Variants in PCDHGA6 observed in about 807,000 individuals in gnomAD.
PCDHGA6 encodes the protein protocadherin gamma subfamily A, 6.
PCDHGA6 carries 41 observed loss-of-function variants against 60.6 expected under a neutral mutation model. The observed-to-expected ratio is 0.68, with a 90% CI of 0.53 to 0.88. The LOEUF is 0.88. PCDHGA6 is among the 40% of genes least tolerant of loss of function. PCDHGA6 has a pLI of 0.00. For synonymous variants in PCDHGA6, 594 were observed against 524.4 expected, an observed-to-expected ratio of 1.13 and a Z score of -1.81; for missense variants, 1,312 against 1,203.0, an observed-to-expected ratio of 1.09 and a Z score of -1.34.
Position 141,493,034 on chromosome 5 carries a change from G to A in PCDHGA6, c.2425-1773G>A, listed in dbSNP as rs75211372. 6.6e-6 allele frequency among the ~76,000 whole-genome samples: 1 copy of A among 152,230 alleles called. No homozygotes were observed. Among genetic ancestry groups the A allele is most frequent in the African/African-American group, 2.4e-5 (1 of 41,458 alleles). On this transcript the variant is annotated intron_variant, in intron 1 of 3. Transcript: ENST00000517434. This position sits in a 1 kb window ranked among gnomAD's most constrained non-coding sequence, Gnocchi z 4.3. ...GCCAGATGCCAGGGTGCCCTTATGTGTGAGGAAACTACAATAGTAAAAAAC... is the reference window on the plus strand; with the variant it reads ...GCCAGATGCCAGGGTGCCCTTATGTATGAGGAAACTACAATAGTAAAAAAC...
At chr5:141,389,117 G>A in intron 1 of PCDHGA6, 1 of 1,614,024 alleles carries the variant, frequency 6.2e-7, no homozygotes, top group Admixed American at 1.7e-5. Flanking sequence ...TAGACCGCGA[G>A]CAGAATCCAG....
At chr5:141,428,220 C>T (rs1228544858) in intron 1 of PCDHGA6, 1 of 1,178,786 alleles carries the variant, frequency 8.5e-7, no homozygotes. Flanking sequence ...ACCTAGTCTT[C>T]GCAGACAGCC....
chr5:141,403,517 G>A, intron 1 of PCDHGA6: 1 of 1,614,030 alleles, frequency 6.2e-7, no homozygotes, highest in Non-Finnish European at 8.5e-7. Context: ...AGACAATGGA[G>A]CCATAAACCC....
At chr5:141,430,781 C>T (rs559701152) in intron 1 of PCDHGA6, 6 of 1,510,922 alleles carry the variant, frequency 4.0e-6, no homozygotes, top group South Asian at 2.7e-5. Context: ...GCGACTGCAC[C>T]GGGACTACAA....
chr5:141,417,230 T>C (rs2096097492), intron 1 of PCDHGA6: 1 of 152,210 alleles, frequency 6.6e-6, no homozygotes, highest in Non-Finnish European at 1.5e-5. Context: ...AAAAAATTTG[T>C]TGCTTATCTT....
At chr5:141,448,021 G>A (rs1376525971) in intron 1 of PCDHGA6, among the ~76,000 whole-genome samples, 2 of 152,050 alleles carry the variant, frequency 1.3e-5, no homozygotes, top group African/African-American at 4.8e-5. Context: ...AGGAGGTGGA[G>A]GTTGCAGTGA....
intron 1 of PCDHGA6, chr5:141,390,040 C>T (rs2092027580): frequency 6.2e-7 from 1 of 1,614,072 alleles, no homozygotes; most frequent in Non-Finnish European, 8.5e-7. Context: ...TCCTCCAGCC[C>T]CGCCTCCTGG....
intron 1 of PCDHGA6, chr5:141,385,190 G>C (rs899564761): frequency 3.7e-6 from 6 of 1,614,166 alleles, no homozygotes; most frequent in Non-Finnish European, 5.1e-6. Context: ...GCGGACTCTC[G>C]GAAGAGTCAC....
chr5:141,386,228 G>A (rs2090502520), intron 1 of PCDHGA6, among the ~76,000 whole-genome samples: 1 of 152,100 alleles, frequency 6.6e-6, no homozygotes, highest in Non-Finnish European at 1.5e-5. Context: ...TAGGTCTACT[G>A]AAAAATTCAG....
chr5:141,383,546 A>G (rs747474981), intron 1 of PCDHGA6: 1 of 1,612,542 alleles, frequency 6.2e-7, no homozygotes, highest in Non-Finnish European at 8.5e-7. Flanking sequence ...ACAGCCTCTG[A>G]TGGCGGCGAC....
At chr5:141,425,413 T>G (rs2096873899) in intron 1 of PCDHGA6, among the ~76,000 whole-genome samples, 1 of 152,202 alleles carries the variant, frequency 6.6e-6, no homozygotes, top group African/African-American at 2.4e-5. Context: ...AGGTATAACA[T>G]ATAGTCCCAT....
intron 1 of PCDHGA6, chr5:141,393,452 GGCCTCGGATGGCGGCAAGCC>G: frequency 6.2e-7 from 1 of 1,614,030 alleles, no homozygotes; most frequent in Admixed American, 1.7e-5. Context: ...TGGTCCTCAC[GGCCTCGGATGGCGGCAAGCC>G]GCCTCGCTCT....
At position 141,419,527 on chromosome 5, in the gene PCDHGA6, C is replaced by G. The variant is rs755936657; in HGVS notation, c.2424+43020C>G. ...TGCGCGTGTTGGTGGGCGACCGTAA[C>G]GACAACGCACCGCGGGTGCTGTACC... is the stretch of plus-strand genomic sequence containing the variant. On this transcript the variant is annotated intron_variant, in intron 1 of 3. Transcript: ENST00000517434. The G allele has an allele frequency of 6.8e-5, 110 of 1,612,064 alleles. 2 individuals carry two copies. In the South Asian group the frequency reaches 9.6e-4, roughly 14 times the overall value.
chr5:141,473,362 C>A (rs2099320242), intron 1 of PCDHGA6, among the ~76,000 whole-genome samples: 1 of 152,166 alleles, frequency 6.6e-6, no homozygotes, highest in Admixed American at 6.5e-5. Context: ...AAGTGGCCAC[C>A]AAAATAGCAT....
rs1201654822 is a variant in PCDHGA6, at chr5:141,476,876, C to T, written c.2425-17931C>T. ...CCAGTCCTTGTACCGGGCGCGCGTC[C>T]TGGAGGATGCACCCTCCGGCACGCG... On this transcript the variant is annotated intron_variant, in intron 1 of 3. Transcript: ENST00000517434. The surrounding 1 kb of genome is among the most constrained non-coding windows in gnomAD (Gnocchi z 7.6). 6.2e-7 allele frequency: 1 copy of T among 1,613,876 alleles called. No homozygotes were observed. The highest frequency in any genetic ancestry group is 1.7e-5 in the Admixed American group (1 of 60,018).
chr5:141,446,778 T>C (rs2098515519), intron 1 of PCDHGA6, among the ~76,000 whole-genome samples: 1 of 152,116 alleles, frequency 6.6e-6, no homozygotes, highest in South Asian at 2.1e-4. Flanking sequence ...GTTACCATTC[T>C]TTTACTCTGA....
At position 141,416,083 on chromosome 5, in the gene PCDHGA6, A is replaced by T. The variant is rs183563665; in HGVS notation, c.2424+39576A>T. The T allele has an allele frequency of 1.6e-4, 27 of 167,232 alleles. 1 individual carries two copies. The East Asian group carries it at 3.9e-3, about 24-fold the overall frequency. The allele number at this position is 167,232 out of a possible 1,614,324, so 10.4% of individuals were successfully genotyped here. A position where few individuals can be genotyped will look rare whatever the true frequency, so the allele number is the denominator to read the frequency against. On this transcript the variant is annotated intron_variant, in intron 1 of 3. Transcript: ENST00000517434. Reference sequence around the variant, plus strand: ...AGAATACTCAATGCAGTTCTTCCCAAGGAGAAGGGCAATAGGCCTTTTTCA... The same window carrying T: ...AGAATACTCAATGCAGTTCTTCCCATGGAGAAGGGCAATAGGCCTTTTTCA...
chr5:141,477,158 A>G lies in PCDHGA6; in HGVS notation c.2425-17649A>G, dbSNP rs1476516538. 1.2e-6 allele frequency: 2 copies of G among 1,614,154 alleles called. No individual in the cohort carries two copies. Among genetic ancestry groups the G allele is most frequent in the Non-Finnish European group, 1.7e-6 (2 of 1,180,018 alleles). ...GGTGGAGGTTGTGGATGTGAATGACAACGCCCCGGAGATCACAGTCACCTC... is the reference window on the plus strand; with the variant it reads ...GGTGGAGGTTGTGGATGTGAATGACGACGCCCCGGAGATCACAGTCACCTC... On this transcript the variant is annotated intron_variant, in intron 1 of 3. Coordinates refer to ENST00000517434, the MANE Select transcript of PCDHGA6 (RefSeq NM_018919.3). This position sits in a 1 kb window ranked among gnomAD's most constrained non-coding sequence, Gnocchi z 4.9.
chr5:141,400,023 C>A (rs755667675), intron 1 of PCDHGA6: 38 of 1,612,754 alleles, frequency 2.4e-5, no homozygotes, highest in Non-Finnish European at 3.2e-5. Flanking sequence ...GCGACAGGGA[C>A]GCGGCCCGCC....
Sources: gnomAD v4.1 joint callset for allele counts (sites outside exome capture counted in the v4.1 genomes callset) on GRCh38, gnomAD v4.1.1 for gene constraint, Gnocchi (gnomAD v3.1) non-coding constraint, MANE v1.5 for transcripts, NCBI Gene and HGNC (gene_info 2026-07-23, HGNC 2026-07-21) for gene names.